TMEM132E: variants seen among roughly 807,000 people sequenced by gnomAD.
TMEM132E encodes transmembrane protein 132E.
TMEM132E carries 49 observed loss-of-function variants against 78.5 expected under a neutral mutation model. That is an observed-to-expected ratio of 0.62 (90% CI 0.50 to 0.79). The LOEUF (loss-of-function observed/expected upper bound fraction) is 0.79, where lower values mean the gene tolerates loss of function less well. Among genes scored for constraint, TMEM132E ranks in the 30% least tolerant of loss-of-function variants. TMEM132E has a pLI of 0.00. For missense variants in TMEM132E, 1,403 were observed against 1,470.9 expected (o/e 0.95, Z 0.75); for synonymous variants, 715 against 670.6 (o/e 1.07, Z -1.02).
chr17:34,629,967 A>G, intron 4 of TMEM132E, 41 bp from the exon 5 acceptor site: 1 of 1,571,298 alleles, frequency 6.4e-7, no homozygotes. Context: ...CCAGGACAGA[A>G]GGGGACCACA....
chr17:34,588,469 T>A (rs560738122), intron 1 of TMEM132E, among the ~76,000 whole-genome samples: 1 of 152,302 alleles, frequency 6.6e-6, no homozygotes, highest in African/African-American at 2.4e-5. Flanking sequence ...AATCAATGAA[T>A]GAATCATTGT....
In TMEM132E at chr17:34,581,137, G is replaced by T; in HGVS notation, c.61G>T (p.Ala21Ser). The T allele has an allele frequency of 1.3e-6, 2 of 1,519,182 alleles. No individual in the cohort carries two copies. The highest frequency in any genetic ancestry group is 1.8e-6 in the Non-Finnish European group (2 of 1,138,480). 94.1% of individuals were successfully genotyped at this position (1,519,182 alleles called of 1,614,324 possible). A position where few individuals can be genotyped will look rare whatever the true frequency, so the allele number is the denominator to read the frequency against. ...AALLCLSALL[A>S]HASGRSHPAS... ...CCTGCTCTGCCTCTCAGCGCTACTC[G>T]CCCACGGTAAGTGTCGCGGCGCGGA... Residue 21 changes from alanine to serine, a missense_variant, in exon 1 of 9, where the codon GCC (alanine) becomes TCC (serine). Transcript: ENST00000631683.
rs1223548890 is a variant in TMEM132E at position 34,626,959 on chromosome 17, C to G, written c.900C>G (p.Asp300Glu). 1.2e-6 allele frequency: 2 copies of G among 1,613,820 alleles called. No individual in the cohort carries two copies. The highest frequency in any genetic ancestry group is 1.7e-5 in the Admixed American group (1 of 60,014). ...GCAACCTGATGATCCGCCTGCCAGACCGGCCCCTCAAGCCCGGGGAAGTGC... is the reference window on the plus strand; with the variant it reads ...GCAACCTGATGATCCGCCTGCCAGAGCGGCCCCTCAAGCCCGGGGAAGTGC... ...LDSNLMIRLP[D>E]RPLKPGEVLS... Residue 300 changes from aspartate to glutamate, a missense_variant, in exon 2 of 9, where the codon GAC (aspartate) becomes GAG (glutamate). By Grantham distance (45) the Asp-to-Glu change is conservative (BLOSUM62 2). This residue lies in a region of TMEM132E where 511 missense variants were observed against 499.0 expected (regional missense o/e 1.02). Transcript: ENST00000631683.
chr17:34,629,217 G>T lies in TMEM132E; in HGVS notation c.1338+13G>T. On this transcript the variant is annotated intron_variant, in intron 4 of 8. Transcript: ENST00000631683. ...GCCCCTGGCCATGGTGAGCAGGCAG[G>T]TGACCAGCCCAGAAGATGCCTGGGT... 1.9e-6 allele frequency: 3 copies of T among 1,613,118 alleles called. No individual in the cohort carries two copies. Among genetic ancestry groups the T allele is most frequent in the Non-Finnish European group, 2.5e-6 (3 of 1,179,726 alleles).
intron 1 of TMEM132E, among the ~76,000 whole-genome samples, chr17:34,583,476 C>T (rs1040004117): frequency 1.3e-5 from 2 of 152,200 alleles, no homozygotes; most frequent in African/African-American, 4.8e-5. Context: ...CCTGGGCTGC[C>T]CTCCTCCTCC....
intron 1 of TMEM132E, among the ~76,000 whole-genome samples, chr17:34,598,307 C>G (rs1360365534): frequency 1.3e-5 from 2 of 152,062 alleles, no homozygotes; most frequent in Non-Finnish European, 2.9e-5. Flanking sequence ...TGCTATTGAG[C>G]CCATCAGGTG....
At chr17:34,591,009 G>A (rs1010386533) in intron 1 of TMEM132E, among the ~76,000 whole-genome samples, 13 of 152,180 alleles carry the variant, frequency 8.5e-5, no homozygotes, top group African/African-American at 3.1e-4. Flanking sequence ...ACATCTGAGT[G>A]TGAGTGCTGA....
chr17:34,583,284 CTCCT>C (rs967547555), intron 1 of TMEM132E, among the ~76,000 whole-genome samples: 1 of 152,230 alleles, frequency 6.6e-6, no homozygotes, highest in African/African-American at 2.4e-5. Flanking sequence ...GACATTTCCC[CTCCT>C]GACTATCTGG....
chr17:34,590,955 G>A lies in TMEM132E; in HGVS notation c.67+9812G>A, dbSNP rs73988729. ...AAATGAGCACCAGAAGTCATCTGAGGCGCCACCCCATGACAAAGAGCTCAC... is the reference window on the plus strand; with the variant it reads ...AAATGAGCACCAGAAGTCATCTGAGACGCCACCCCATGACAAAGAGCTCAC... On this transcript the variant is annotated intron_variant, in intron 1 of 8. Coordinates refer to ENST00000631683, the MANE Select transcript of TMEM132E (RefSeq NM_001304438.2). Among the ~76,000 whole-genome samples the A allele has an allele frequency of 3.9e-3, 583 of 150,770 alleles. 3 individuals are homozygous for A. The highest frequency in any genetic ancestry group is 0.014 in the Admixed American group (220 of 15,180).
At chr17:34,629,452 T>G (rs890596440) in intron 4 of TMEM132E, among the ~76,000 whole-genome samples, 2 of 151,786 alleles carry the variant, frequency 1.3e-5, no homozygotes, top group African/African-American at 2.4e-5. Flanking sequence ...GGACCACTGA[T>G]GGGAAGTTTG....
chr17:34,586,587 C>T (rs1465485387), intron 1 of TMEM132E, among the ~76,000 whole-genome samples: 5 of 152,062 alleles, frequency 3.3e-5, no homozygotes, highest in Middle Eastern at 3.2e-3. Flanking sequence ...ACCCACAGTC[C>T]GAGTCCAGGC....
intron 6 of TMEM132E, 40 bp downstream of exon 6, chr17:34,632,949 T>C: frequency 2.5e-6 from 4 of 1,608,690 alleles, no homozygotes; most frequent in Non-Finnish European, 3.4e-6. Context: ...GGGAAACTCA[T>C]GGGTGGATAC....
chr17:34,628,858 G>A, intron 3 of TMEM132E, 149 bp downstream of exon 3: 1 of 1,368,548 alleles, frequency 7.3e-7, no homozygotes, highest in East Asian at 2.5e-5. Flanking sequence ...GTGGGATCCT[G>A]GGGCTGGAGC....
chr17:34,593,719 G>A (rs1335527210), intron 1 of TMEM132E, among the ~76,000 whole-genome samples: 1 of 152,240 alleles, frequency 6.6e-6, no homozygotes, highest in African/African-American at 2.4e-5. Flanking sequence ...TGCCTCCTAA[G>A]GCCACTTTCC....
At chr17:34,582,165 G>C (rs1905511734) in intron 1 of TMEM132E, among the ~76,000 whole-genome samples, 3 of 151,908 alleles carry the variant, frequency 2.0e-5, no homozygotes, top group African/African-American at 7.3e-5. Flanking sequence ...TTGGGGGGCG[G>C]GGGTGTTTCG....
intron 1 of TMEM132E, among the ~76,000 whole-genome samples, chr17:34,617,191 C>T (rs1432706421): frequency 1.3e-5 from 2 of 152,210 alleles, no homozygotes; most frequent in African/African-American, 2.4e-5. Flanking sequence ...AGGGACTATC[C>T]TCTTCTCCCA....
intron 1 of TMEM132E, among the ~76,000 whole-genome samples, chr17:34,617,940 A>G (rs1467868235): frequency 6.6e-6 from 1 of 152,226 alleles, no homozygotes; most frequent in African/African-American, 2.4e-5. Flanking sequence ...CCCCCTAGAG[A>G]TAACCACCAT....
intron 1 of TMEM132E, among the ~76,000 whole-genome samples, chr17:34,605,921 A>G (rs1344902727): frequency 1.3e-5 from 2 of 152,198 alleles, no homozygotes; most frequent in African/African-American, 4.8e-5. Flanking sequence ...CGTCCCATTC[A>G]TTAAAATCTC....
At chr17:34,617,912 AATC>A in intron 1 of TMEM132E, among the ~76,000 whole-genome samples, 1 of 152,368 alleles carries the variant, frequency 6.6e-6, no homozygotes, top group Middle Eastern at 3.4e-3. Context: ...AAAATATAGC[AATC>A]ATCCATAATC....
Sources: allele counts gnomAD v4.1 joint callset (sites outside exome capture counted in the v4.1 genomes callset), GRCh38; gene constraint gnomAD v4.1.1; regional missense constraint gnomAD v4.1.1; transcripts MANE v1.5; gene names NCBI Gene and HGNC (gene_info 2026-07-23, HGNC 2026-07-21).